Variants in UBE2F observed in about 807,000 individuals in gnomAD.
The protein encoded by UBE2F is NEDD8-conjugating enzyme UBE2F.
In UBE2F, 5 loss-of-function variants were observed where a neutral mutation model predicts 29.6. The observed-to-expected ratio is 0.17, with a 90% CI of 0.09 to 0.36. The LOEUF (loss-of-function observed/expected upper bound fraction) is 0.36, where lower values mean the gene tolerates loss of function less well. Ranked by LOEUF, UBE2F falls within the 10% of genes least tolerant of loss-of-function variation. The pLI is 1.00. For synonymous variants in UBE2F, 66 were observed against 81.8 expected (o/e 0.81, Z 1.04); for missense variants, 141 against 228.5 (o/e 0.62, Z 2.47).
In UBE2F at chr2:237,982,104, G is replaced by T. The variant is rs1438636599; in HGVS notation, c.119-5859G>T. Among the ~76,000 whole-genome samples the T allele has an allele frequency of 1.3e-5, 2 of 152,174 alleles. No homozygotes were observed. The highest frequency in any genetic ancestry group is 2.9e-5 in the Non-Finnish European group (2 of 68,034). ...TTACTTAAAATGGGTCTATTTGATT[G>T]TATGTAAATTGGTCCCTGACAAAGC... On this transcript the variant is annotated intron_variant, in intron 2 of 9. Transcript: ENST00000272930. The surrounding 1 kb of genome is among the most constrained non-coding windows in gnomAD (Gnocchi z 4.1).
chr2:237,968,857 C>T, intron 1 of UBE2F: 1 of 985,174 alleles, frequency 1.0e-6, no homozygotes, highest in African/African-American at 1.7e-5. Context: ...TAAACCAGAT[C>T]TTCAAGAGTT....
rs776653618 is a variant in UBE2F, at chr2:237,988,921, CA to C, written c.148+930del. 3.3e-5 allele frequency among the ~76,000 whole-genome samples: 5 copies of C among 152,310 alleles called. No homozygotes were observed. In the South Asian group the frequency reaches 1.0e-3, roughly 32 times the overall value. The stretch of plus-strand genomic sequence containing the variant: ...TTCTGCCCCAGACACACAGGGTCAG[CA>C]TGCAGTCTTCACTCATGAGCACCGT... On this transcript the variant is annotated intron_variant, in intron 3 of 9. Coordinates refer to ENST00000272930, the MANE Select transcript of UBE2F (RefSeq NM_080678.3).
chr2:238,031,347 C>G (rs985600444), intron 7 of UBE2F, among the ~76,000 whole-genome samples: 1 of 152,202 alleles, frequency 6.6e-6, no homozygotes, highest in Non-Finnish European at 1.5e-5. Context: ...AGCCTCTCCT[C>G]CCAGGGTGGG....
At chr2:237,999,721 T>C (rs1487363132) in intron 4 of UBE2F, among the ~76,000 whole-genome samples, 1 of 152,244 alleles carries the variant, frequency 6.6e-6, no homozygotes, top group East Asian at 1.9e-4. Context: ...TCCATTGGTC[T>C]GTGTTTACCC....
Position 237,967,400 on chromosome 2 carries a change from C to CGCGGCG in UBE2F, c.-17+279_-17+284dup, listed in dbSNP as rs1016817951. Reference sequence around the variant, plus strand: ...CTGGCCTCGCCCGGCAGTGAGTGACCGCGGCGGCGGCGGCGGGGGACGGCC... The same window carrying CGCGGCG: ...CTGGCCTCGCCCGGCAGTGAGTGACCGCGGCGGCGGCGGCGGCGGCGGGGGACGGCC... On this transcript the variant is annotated intron_variant, in intron 1 of 9. Transcript: ENST00000272930. This position sits in a 1 kb window ranked among gnomAD's most constrained non-coding sequence, Gnocchi z 6.3. Among the ~76,000 whole-genome samples, 5 of 150,034 alleles carry CGCGGCG rather than the reference C, an allele frequency of 3.3e-5. No homozygotes were observed. The highest frequency in any genetic ancestry group is 7.4e-5 in the Non-Finnish European group (5 of 67,286).
rs1219995783 is a variant in UBE2F at position 238,041,647 on chromosome 2, C to T, written c.*309C>T. 1.3e-5 allele frequency: 3 copies of T among 239,958 alleles called. No individual in the cohort carries two copies. Among genetic ancestry groups the T allele is most frequent in the Non-Finnish European group, 2.4e-5 (3 of 123,918 alleles). 14.9% of individuals were successfully genotyped at this position (239,958 alleles called of 1,614,324 possible). ...GAAATTCTTAAGAAGTTGTAATGAA[C>T]TCAAAATTGAGGCCAGAGCTTGCTT... On this transcript the variant is annotated 3_prime_UTR_variant, in exon 10 of 10. Transcript: ENST00000272930.
At chr2:238,005,876 T>G (rs2063893097) in intron 4 of UBE2F, among the ~76,000 whole-genome samples, 1 of 152,212 alleles carries the variant, frequency 6.6e-6, no homozygotes. Context: ...GGTAGAAAAT[T>G]ATTTTGGTGA....
chr2:237,967,266 C>T lies in UBE2F; in HGVS notation c.-17+134C>T. On this transcript the variant is annotated intron_variant, in intron 1 of 9. Coordinates refer to ENST00000272930, the MANE Select transcript of UBE2F (RefSeq NM_080678.3). The surrounding 1 kb of genome is among the most constrained non-coding windows in gnomAD (Gnocchi z 6.3). ...CCCGCCGGGTTCCTCACGCCGGGGGCCTGGCGGGCGCGGGCACCCGGACGC... is the reference window on the plus strand; with the variant it reads ...CCCGCCGGGTTCCTCACGCCGGGGGTCTGGCGGGCGCGGGCACCCGGACGC... 1.8e-6 allele frequency: 1 copy of T among 548,636 alleles called. No individual in the cohort carries two copies. Among genetic ancestry groups the T allele is most frequent in the Non-Finnish European group, 2.3e-6 (1 of 433,038 alleles). 34.0% of individuals were successfully genotyped at this position (548,636 alleles called of 1,614,324 possible).
intron 6 of UBE2F, among the ~76,000 whole-genome samples, chr2:238,027,076 T>A (rs1307061889): frequency 6.6e-6 from 1 of 152,204 alleles, no homozygotes; most frequent in African/African-American, 2.4e-5. Context: ...GGGTCCAGAA[T>A]AGGAAGCTCT....
chr2:238,003,590 G>T (rs2063841683), intron 4 of UBE2F: 1 of 277,316 alleles, frequency 3.6e-6, no homozygotes, highest in East Asian at 8.2e-5. Context: ...AGATTCTGGT[G>T]GTCTCCAGTA....
At chr2:237,969,817 G>A (rs1357684452) in intron 1 of UBE2F, among the ~76,000 whole-genome samples, 1 of 152,204 alleles carries the variant, frequency 6.6e-6, no homozygotes, top group Non-Finnish European at 1.5e-5. Context: ...GCCCCTACAG[G>A]TGTTTGTGAC....
At chr2:238,008,029 C>A (rs1216954293) in intron 4 of UBE2F, among the ~76,000 whole-genome samples, 3 of 152,202 alleles carry the variant, frequency 2.0e-5, no homozygotes, top group Admixed American at 2.0e-4. Flanking sequence ...TCACGCCTCA[C>A]TGCAGCCTCA....
chr2:238,018,263 G>A (rs2064209223), intron 5 of UBE2F, among the ~76,000 whole-genome samples: 1 of 152,098 alleles, frequency 6.6e-6, no homozygotes, highest in Non-Finnish European at 1.5e-5. Flanking sequence ...CAGGCATACA[G>A]TATTTAAAAT....
chr2:237,999,674 G>C (rs2063753643), intron 4 of UBE2F, among the ~76,000 whole-genome samples: 1 of 152,140 alleles, frequency 6.6e-6, no homozygotes, highest in South Asian at 2.1e-4. Flanking sequence ...AGCATTGACT[G>C]TATATGTGTA....
At chr2:238,009,686 C>T (rs2063975433) in intron 4 of UBE2F, among the ~76,000 whole-genome samples, 1 of 152,170 alleles carries the variant, frequency 6.6e-6, no homozygotes, top group Non-Finnish European at 1.5e-5. Flanking sequence ...TCCCTGGTGC[C>T]CATGTCTGTG....
chr2:238,039,061 C>A (rs2064782444), intron 9 of UBE2F, among the ~76,000 whole-genome samples: 1 of 152,138 alleles, frequency 6.6e-6, no homozygotes, highest in African/African-American at 2.4e-5. Flanking sequence ...ATGGTGAAAC[C>A]CCATCTCTAG....
chr2:237,980,117 G>A (rs959477707), intron 2 of UBE2F, among the ~76,000 whole-genome samples: 1 of 152,266 alleles, frequency 6.6e-6, no homozygotes, highest in African/African-American at 2.4e-5. Context: ...GTGAGGCAGT[G>A]CTTCAGGTTT....
chr2:238,014,291 G>C (rs1559219177), intron 4 of UBE2F, among the ~76,000 whole-genome samples: 1 of 152,294 alleles, frequency 6.6e-6, no homozygotes, highest in East Asian at 1.9e-4. Flanking sequence ...TTCAAAGAGG[G>C]AAAAAGAAGT....
At chr2:238,030,257 A>G (rs144486969) in intron 6 of UBE2F, among the ~76,000 whole-genome samples, 224 of 152,266 alleles carry the variant, frequency 1.5e-3, no homozygotes, top group African/African-American at 5.1e-3. Context: ...TCTGAATATT[A>G]AATTGACAAA....
Sources: allele counts gnomAD v4.1 joint callset (sites outside exome capture counted in the v4.1 genomes callset), GRCh38; gene constraint gnomAD v4.1.1; non-coding constraint Gnocchi (gnomAD v3.1); transcripts MANE v1.5; gene names NCBI Gene and HGNC (gene_info 2026-07-23, HGNC 2026-07-21).